Variants in TTC7A observed in about 807,000 individuals in gnomAD.
TTC7A encodes tetratricopeptide repeat protein 7A.
A neutral mutation model predicts 103.7 loss-of-function variants in TTC7A; 110 were observed. The observed-to-expected ratio is 1.06, with a 90% CI of 0.91 to 1.24. The LOEUF is 1.24. TTC7A is among the 50% of genes most tolerant of loss of function. The pLI, the probability that TTC7A is intolerant of heterozygous loss-of-function variation, is 0.00. For synonymous variants in TTC7A, 521 were observed against 467.9 expected, an observed-to-expected ratio of 1.11 and a Z score of -1.47; for missense variants, 1,340 against 1,116.3, an observed-to-expected ratio of 1.20 and a Z score of -2.86.
chr2:46,970,110 C>T (rs1430018039), intron 3 of TTC7A, among the ~76,000 whole-genome samples: 1 of 152,138 alleles, frequency 6.6e-6, no homozygotes, highest in African/African-American at 2.4e-5. Context: ...CCACCTCTGT[C>T]TTCTGAGTAG....
chr2:47,014,714 C>G (rs1572910592), intron 11 of TTC7A, among the ~76,000 whole-genome samples: 2 of 152,378 alleles, frequency 1.3e-5, no homozygotes, highest in South Asian at 4.1e-4. Context: ...CGTCAGCCCC[C>G]AGCAGGCCCA....
At chr2:47,031,637 A>T (rs146564100) in intron 15 of TTC7A, among the ~76,000 whole-genome samples, 2 of 152,358 alleles carry the variant, frequency 1.3e-5, no homozygotes, top group East Asian at 3.9e-4. Flanking sequence ...ACTGTGATGC[A>T]GGCGGGAGCA....
Position 47,060,817 on chromosome 2 carries a change from T to C in TTC7A, c.2201T>C (p.Ile734Thr). ...QQHLKEAGFC[I>T]QEAAGLFPTS... ...CACCTCAAGGAAGCAGGTTTCTGCA[T>C]CCAGGAGGCGGCGGGCCTCTTCCCC... Residue 734 changes from isoleucine to threonine, a missense_variant, in exon 19 of 20, where the codon ATC (isoleucine) becomes ACC (threonine). By Grantham distance (89) the Ile-to-Thr change is moderately conservative. Transcript: ENST00000319190. 6.2e-7 allele frequency: 1 copy of C among 1,613,446 alleles called. No individual in the cohort carries two copies. Among genetic ancestry groups the C allele is most frequent in the Non-Finnish European group, 8.5e-7 (1 of 1,179,470 alleles).
chr2:46,920,041 G>A (rs73926962), intron 2 of TTC7A, among the ~76,000 whole-genome samples: 159 of 152,262 alleles, frequency 1.0e-3, no homozygotes, highest in African/African-American at 3.7e-3. Context: ...CTATAAACTG[G>A]GGTGGTGAAT....
chr2:47,009,312 G>T (rs1321364923), intron 10 of TTC7A, among the ~76,000 whole-genome samples: 1 of 152,146 alleles, frequency 6.6e-6, no homozygotes, highest in Non-Finnish European at 1.5e-5. Context: ...TGTTTCCAGA[G>T]AGAGCCATGG....
chr2:47,059,009 C>CCTTTTTTT (rs1683547403), intron 18 of TTC7A, among the ~76,000 whole-genome samples: 2 of 44,702 alleles, frequency 4.5e-5, no homozygotes, highest in Admixed American at 3.3e-4. Context: ...CCTAAGCCTG[C>CCTTTTTTT]TTTTTTTTTT....
chr2:47,056,754 C>T (rs1053235281), intron 18 of TTC7A, among the ~76,000 whole-genome samples: 6 of 152,014 alleles, frequency 3.9e-5, no homozygotes, highest in South Asian at 2.1e-4. Flanking sequence ...GGAGGAAAAC[C>T]GGAGACAGAC....
At chr2:46,974,885 C>A in intron 3 of TTC7A, 88 bp from the exon 4 acceptor site, 1 of 1,546,612 alleles carries the variant, frequency 6.5e-7, no homozygotes. Context: ...TCTGCCCCCT[C>A]GGATGAGCCC....
intron 18 of TTC7A, among the ~76,000 whole-genome samples, chr2:47,058,198 C>T (rs1020343939): frequency 6.6e-6 from 1 of 152,202 alleles, no homozygotes; most frequent in Non-Finnish European, 1.5e-5. Context: ...TTCAGGCTGT[C>T]CCCAGGGACT....
intron 11 of TTC7A, among the ~76,000 whole-genome samples, chr2:47,021,329 G>T (rs1021938302): frequency 3.9e-5 from 6 of 152,220 alleles, no homozygotes; most frequent in Admixed American, 1.3e-4. Context: ...CCCATGTCAT[G>T]TGGTGATGTG....
chr2:47,024,254 G>C (rs1679626500), intron 13 of TTC7A, 33 bp from the exon 14 acceptor site: 1 of 1,569,164 alleles, frequency 6.4e-7, no homozygotes, highest in African/African-American at 1.4e-5. Context: ...TCAACCCCTG[G>C]TGCCTGACTT....
intron 2 of TTC7A, among the ~76,000 whole-genome samples, chr2:46,924,058 A>C (rs756571835): frequency 2.6e-5 from 4 of 152,056 alleles, no homozygotes; most frequent in Non-Finnish European, 2.9e-5. Context: ...TTTAAAAAAT[A>C]GCCAGGCGTG....
intron 2 of TTC7A, among the ~76,000 whole-genome samples, chr2:46,918,411 G>T (rs1158736734): frequency 6.6e-6 from 1 of 152,196 alleles, no homozygotes; most frequent in Admixed American, 6.5e-5. Flanking sequence ...CTACTTGAGA[G>T]AGAGCTTCCT....
chr2:46,940,857 C>T (rs970787525), upstream of TTC7A, among the ~76,000 whole-genome samples: 23 of 152,154 alleles, frequency 1.5e-4, no homozygotes, highest in East Asian at 4.3e-3. This position sits in a 1 kb window ranked among gnomAD's most constrained non-coding sequence, Gnocchi z 4.7. Flanking sequence ...TGTCGGCCGG[C>T]CTCTCCCCAT....
Position 46,994,487 on chromosome 2 carries a change from G to T in TTC7A, c.974G>T (p.Arg325Leu). The change falls in exon 7 of 20, where the codon CGG (arginine) becomes CTG (leucine). Residue 325 changes from arginine (R) to leucine (L), a missense_variant. Transcript: ENST00000319190. The part of the protein sequence containing the change: ...EESSFATQAL[R>L]KPHLYEGDNL... ...AGTTCTTTCGCCACTCAGGCCCTGCGGAAACCTCACCTCTATGAAGGAGAC... is the reference window on the plus strand; with the variant it reads ...AGTTCTTTCGCCACTCAGGCCCTGCTGAAACCTCACCTCTATGAAGGAGAC... 1 of 1,614,020 alleles carries T rather than the reference G, an allele frequency of 6.2e-7. No individual in the cohort carries two copies. Among genetic ancestry groups the T allele is most frequent in the Non-Finnish European group, 8.5e-7 (1 of 1,179,966 alleles).
At chr2:46,995,255 G>A in intron 8 of TTC7A, 56 bp downstream of exon 8, 1 of 1,588,132 alleles carries the variant, frequency 6.3e-7, no homozygotes, top group Non-Finnish European at 8.6e-7. Context: ...GTGGGGAAGG[G>A]CTGTGGGGCC....
At chr2:47,031,615 T>G (rs554812099) in intron 15 of TTC7A, among the ~76,000 whole-genome samples, 1 of 152,358 alleles carries the variant, frequency 6.6e-6, no homozygotes, top group East Asian at 1.9e-4. Context: ...GAAATCTTCC[T>G]TGGAAACTGA....
chr2:47,019,861 A>G (rs1380096468), intron 11 of TTC7A, among the ~76,000 whole-genome samples: 1 of 152,100 alleles, frequency 6.6e-6, no homozygotes, highest in African/African-American at 2.4e-5. Context: ...ATAATGCCTG[A>G]GATAGTGTGT....
intron 16 of TTC7A, among the ~76,000 whole-genome samples, chr2:47,047,941 C>T (rs923325133): frequency 2.0e-5 from 3 of 152,170 alleles, no homozygotes; most frequent in Non-Finnish European, 4.4e-5. Flanking sequence ...GGCTCCTGGT[C>T]CAGATAGCCC....
Sources: gnomAD v4.1 joint callset for allele counts (sites outside exome capture counted in the v4.1 genomes callset) on GRCh38, gnomAD v4.1.1 for gene constraint, Gnocchi (gnomAD v3.1) non-coding constraint, MANE v1.5 for transcripts, NCBI Gene and HGNC (gene_info 2026-07-23, HGNC 2026-07-21) for gene names.